ADGRL3: variants seen among roughly 807,000 people sequenced by gnomAD.
The protein encoded by ADGRL3 is adhesion G protein-coupled receptor L3.
Under a neutral mutation model 153.5 loss-of-function variants are expected in ADGRL3, and 62 were observed. The ratio of observed to expected loss-of-function variants is 0.40; its 90% CI spans 0.33 to 0.50. The LOEUF (loss-of-function observed/expected upper bound fraction) is 0.50, where lower values mean the gene tolerates loss of function less well. Ranked by LOEUF, ADGRL3 falls within the 20% of genes least tolerant of loss-of-function variation. ADGRL3 has a pLI of 0.47. For synonymous variants in ADGRL3, 710 were observed against 672.5 expected, an observed-to-expected ratio of 1.06 and a Z score of -0.86; for missense variants, 1,641 against 1,859.4, an observed-to-expected ratio of 0.88 and a Z score of 2.16.
At chr4:61,937,797 C>A (rs2098845523) in intron 15 of ADGRL3, among the ~76,000 whole-genome samples, 1 of 152,148 alleles carries the variant, frequency 6.6e-6, no homozygotes, top group Non-Finnish European at 1.5e-5. Context: ...CTTACGTATA[C>A]AATAAATGTG....
chr4:61,734,233 C>T (rs1345114483), intron 8 of ADGRL3, among the ~76,000 whole-genome samples: 1 of 152,094 alleles, frequency 6.6e-6, no homozygotes, highest in Non-Finnish European at 1.5e-5. Context: ...TAAAGACAAT[C>T]ATAAATACCT....
chr4:62,015,198 C>T (rs2099205897), intron 21 of ADGRL3, among the ~76,000 whole-genome samples: 1 of 152,150 alleles, frequency 6.6e-6, no homozygotes, highest in Non-Finnish European at 1.5e-5. Context: ...CTGGTTTTCT[C>T]CACTACATAC....
chr4:61,271,461 T>G (rs1212020171), intron 1 of ADGRL3, among the ~76,000 whole-genome samples: 1 of 152,012 alleles, frequency 6.6e-6, no homozygotes, highest in Non-Finnish European at 1.5e-5. Flanking sequence ...ATAGTGCTTT[T>G]ATACACACAT....
chr4:61,298,875 G>C (rs2094494837), intron 1 of ADGRL3, among the ~76,000 whole-genome samples: 2 of 152,042 alleles, frequency 1.3e-5, no homozygotes, highest in Admixed American at 1.3e-4. Context: ...GACTTCAAGT[G>C]ATTTATTAGA....
At chr4:61,898,530 C>T (rs1013875984) in intron 11 of ADGRL3, among the ~76,000 whole-genome samples, 2 of 151,794 alleles carry the variant, frequency 1.3e-5, no homozygotes, top group Non-Finnish European at 2.9e-5. Context: ...GAGATGGTGT[C>T]TGATTTATGT....
rs542165667 is a variant in ADGRL3 at position 61,720,383 on chromosome 4, C to T, written c.584-10239C>T. Among the ~76,000 whole-genome samples the T allele has an allele frequency of 1.1e-4, 16 of 152,248 alleles. No individual in the cohort carries two copies. In the East Asian group the frequency reaches 1.9e-3, roughly 18 times the overall value. ...GATTACAGGCGTGAGCCACCATGCC[C>T]GACTAGAGTGACACTTTTTTAAGAT... is the stretch of plus-strand genomic sequence containing the variant. On this transcript the variant is annotated intron_variant, in intron 6 of 26. Coordinates refer to ENST00000683033, the MANE Select transcript of ADGRL3 (RefSeq NM_001387552.1).
In ADGRL3 at chr4:61,947,043, T is replaced by C. The variant is rs1581583745; in HGVS notation, c.2549T>C (p.Ile850Thr). 6.2e-7 allele frequency: 1 copy of C among 1,613,856 alleles called. No homozygotes were observed. Among genetic ancestry groups the C allele is most frequent in the Admixed American group, 1.7e-5 (1 of 60,020 alleles). ...NHSVIVNSPVITAAINKEFSN... is the reference protein window; with the variant it reads ...NHSVIVNSPVTTAAINKEFSN... ...TCTGTTATTGTCAATTCCCCTGTTA[T>C]TACGGCAGCAATAAACAAAGAGTTC... is the stretch of plus-strand genomic sequence containing the variant. The change falls in exon 16 of 27, where the codon ATT (isoleucine) becomes ACT (threonine). Residue 850 changes from isoleucine to threonine, a missense_variant. By Grantham distance (89) the Ile-to-Thr change is moderately conservative. Coordinates refer to ENST00000683033, the MANE Select transcript of ADGRL3 (RefSeq NM_001387552.1).
At chr4:61,270,949 C>T (rs1204726143) in intron 1 of ADGRL3, among the ~76,000 whole-genome samples, 1 of 151,644 alleles carries the variant, frequency 6.6e-6, no homozygotes, top group African/African-American at 2.4e-5. Flanking sequence ...CTGAGGAAAC[C>T]TGTGGTTACA....
intron 5 of ADGRL3, among the ~76,000 whole-genome samples, chr4:61,668,364 T>A (rs938525543): frequency 6.6e-6 from 1 of 152,224 alleles, no homozygotes; most frequent in Non-Finnish European, 1.5e-5. Flanking sequence ...TTTAGCAAGA[T>A]TTATTTTGGT....
At chr4:61,449,081 C>T (rs2097640895) in intron 2 of ADGRL3, among the ~76,000 whole-genome samples, 1 of 151,868 alleles carries the variant, frequency 6.6e-6, no homozygotes, top group Non-Finnish European at 1.5e-5. Flanking sequence ...CTTTAGAGAT[C>T]TTCTAATTCA....
chr4:62,068,091 T>A, intron 25 of ADGRL3, 75 bp from the exon 26 acceptor site: 1 of 1,001,402 alleles, frequency 1.0e-6, no homozygotes, highest in Non-Finnish European at 1.4e-6. Context: ...ATTTGCTTTT[T>A]ACTCATGTTT....
intron 2 of ADGRL3, among the ~76,000 whole-genome samples, chr4:61,451,343 A>G (rs1034312686): frequency 3.3e-5 from 5 of 152,130 alleles, no homozygotes; most frequent in Non-Finnish European, 7.4e-5. Context: ...ATAACATTTT[A>G]ATGAAAAAAG....
chr4:61,651,970 T>C (rs2094275556), intron 5 of ADGRL3, among the ~76,000 whole-genome samples: 1 of 151,834 alleles, frequency 6.6e-6, no homozygotes. Flanking sequence ...AAAATTTGTA[T>C]TAAAAAAAGA....
intron 1 of ADGRL3, among the ~76,000 whole-genome samples, chr4:61,338,304 A>G (rs1480826646): frequency 6.6e-6 from 1 of 151,814 alleles, no homozygotes; most frequent in Non-Finnish European, 1.5e-5. Flanking sequence ...TTCCATGACA[A>G]TACAATACAG....
At chr4:62,044,684 G>C in intron 25 of ADGRL3, 135 bp downstream of exon 25, 3 of 538,006 alleles carry the variant, frequency 5.6e-6, no homozygotes, top group Non-Finnish European at 9.9e-6. Context: ...ACTTGGTTGA[G>C]TGTAGCAATG....
chr4:61,759,966 G>A (rs868131928), intron 8 of ADGRL3, among the ~76,000 whole-genome samples: 1 of 152,200 alleles, frequency 6.6e-6, no homozygotes, highest in Non-Finnish European at 1.5e-5. Context: ...GGTATCAGCA[G>A]CGGAGGCTGC....
intron 1 of ADGRL3, among the ~76,000 whole-genome samples, chr4:61,263,627 GTGC>G (rs548380816): frequency 1.4e-3 from 207 of 152,138 alleles, no homozygotes; most frequent in Non-Finnish European, 2.3e-3. Context: ...GATATGTGAT[GTGC>G]TGCTAGTCGT....
At chr4:61,526,034 C>A (rs78678374) in intron 4 of ADGRL3, among the ~76,000 whole-genome samples, 1 of 152,084 alleles carries the variant, frequency 6.6e-6, no homozygotes, top group Non-Finnish European at 1.5e-5. Flanking sequence ...ATGCTGGGGA[C>A]GCACTTACCT....
At chr4:61,330,348 T>A (rs573907999) in intron 1 of ADGRL3, among the ~76,000 whole-genome samples, 57 of 152,230 alleles carry the variant, frequency 3.7e-4, no homozygotes, top group Non-Finnish European at 4.4e-4. Flanking sequence ...TCCAATTTTA[T>A]TGAGAGCTCA....
Sources: allele counts gnomAD v4.1 joint callset (sites outside exome capture counted in the v4.1 genomes callset), GRCh38; gene constraint gnomAD v4.1.1; transcripts MANE v1.5; gene names NCBI Gene and HGNC (gene_info 2026-07-23, HGNC 2026-07-21).